NLRP5: variants seen among roughly 807,000 people sequenced by gnomAD.
The protein encoded by NLRP5 is NLR family pyrin domain containing 5.
In NLRP5, 93 loss-of-function variants were observed where a neutral mutation model predicts 113.1. The observed-to-expected ratio is 0.82, with a 90% CI of 0.70 to 0.98. The LOEUF (loss-of-function observed/expected upper bound fraction) is 0.98, where lower values mean the gene tolerates loss of function less well. Among genes scored for constraint, NLRP5 ranks in the 50% least tolerant of loss-of-function variants. The pLI is 0.00. For synonymous variants in NLRP5, 751 were observed against 600.7 expected, an observed-to-expected ratio of 1.25 and a Z score of -3.66; for missense variants, 1,808 against 1,514.3, an observed-to-expected ratio of 1.19 and a Z score of -3.22.
At chr19:56,021,388 T>C (rs1982611428) in intron 6 of NLRP5, among the ~76,000 whole-genome samples, 1 of 152,218 alleles carries the variant, frequency 6.6e-6, no homozygotes, top group Non-Finnish European at 1.5e-5. Context: ...GATTCAATTA[T>C]TTTTAGTCTA....
chr19:56,050,727 C>G (rs1983903892), intron 12 of NLRP5, 139 bp downstream of exon 12: 2 of 760,014 alleles, frequency 2.6e-6, no homozygotes. Flanking sequence ...CAAGGGCAAT[C>G]TAGGTAAACT....
At chr19:56,037,237 A>G (rs1364387690) in intron 9 of NLRP5, among the ~76,000 whole-genome samples, 5 of 152,150 alleles carry the variant, frequency 3.3e-5, no homozygotes, top group Non-Finnish European at 7.3e-5. Flanking sequence ...TCATCCCGGA[A>G]GCTCGTGCCC....
the NLRP5 span, among the ~76,000 whole-genome samples, chr19:55,988,871 A>G: frequency 6.6e-6 from 1 of 152,154 alleles, no homozygotes; most frequent in South Asian, 2.1e-4. Context: ...TTTTGCTTTC[A>G]ATTTCCATGT....
In NLRP5 at chr19:56,020,369, T is replaced by C. The variant is rs368410917; in HGVS notation, c.623-6T>C. On this transcript the variant is annotated splice_polypyrimidine_tract_variant and splice_region_variant and intron_variant, in intron 5 of 14. Coordinates refer to ENST00000390649, the MANE Select transcript of NLRP5 (RefSeq NM_153447.4). ...CACAAGTATGTTGGAATTCATTCTT[T>C]TGCAGAAATTTCACAAGCTATGGAA... is the stretch of plus-strand genomic sequence containing the variant. 4.4e-6 allele frequency: 7 copies of C among 1,600,574 alleles called. No individual in the cohort carries two copies. The highest frequency in any genetic ancestry group is 1.7e-4 in the Middle Eastern group (1 of 6,018).
At chr19:56,031,532 G>T (rs536808631) in intron 7 of NLRP5, among the ~76,000 whole-genome samples, 2 of 151,096 alleles carry the variant, frequency 1.3e-5, no homozygotes, top group Non-Finnish European at 2.9e-5. Flanking sequence ...TTGGGAGGCT[G>T]AGGCAGGAAA....
At position 56,057,748 on chromosome 19, in the gene NLRP5, G is replaced by T. The variant is rs570197884; in HGVS notation, c.3300-492G>T. 2.0e-5 allele frequency among the ~76,000 whole-genome samples: 3 copies of T among 152,262 alleles called. No individual in the cohort carries two copies. The East Asian group carries it at 5.8e-4, about 29-fold the overall frequency. On this transcript the variant is annotated intron_variant, in intron 13 of 14. Transcript: ENST00000390649. ...TCGTTAGAAATGCAAATATTTGGCC[G>T]GGTGCAGTGGCTCATGCCTGTAATT...
At chr19:56,031,785 C>T (rs1332056574) in intron 7 of NLRP5, among the ~76,000 whole-genome samples, 1 of 152,144 alleles carries the variant, frequency 6.6e-6, no homozygotes. Context: ...ATTCCATTAA[C>T]ATATGTATCA....
chr19:56,036,058 CTTTT>C (rs34956178), intron 9 of NLRP5, among the ~76,000 whole-genome samples: 7 of 76,998 alleles, frequency 9.1e-5, no homozygotes, highest in East Asian at 9.9e-4. Flanking sequence ...AATTGAGATT[CTTTT>C]TTTTTTTTTT....
At chr19:55,993,758 A>C in the NLRP5 span, among the ~76,000 whole-genome samples, 1 of 150,528 alleles carries the variant, frequency 6.6e-6, no homozygotes, top group Non-Finnish European at 1.5e-5. Context: ...TTTGCTTCAC[A>C]CAATGAACTA....
At chr19:56,001,553 A>G (rs868657466) in intron 1 of NLRP5, among the ~76,000 whole-genome samples, 1 of 152,290 alleles carries the variant, frequency 6.6e-6, no homozygotes, top group Middle Eastern at 3.4e-3. Flanking sequence ...GCAGAAGGAA[A>G]GACGGGGGCT....
chr19:55,991,826 G>A, the NLRP5 span, among the ~76,000 whole-genome samples: 1 of 152,148 alleles, frequency 6.6e-6, no homozygotes, highest in Non-Finnish European at 1.5e-5. Context: ...ATAAAGAATA[G>A]GGAGAGAGTA....
At chr19:56,012,032 T>A (rs1175720806) in intron 3 of NLRP5, among the ~76,000 whole-genome samples, 2 of 152,116 alleles carry the variant, frequency 1.3e-5, no homozygotes, top group African/African-American at 4.8e-5. Flanking sequence ...TTCTTTCATC[T>A]CTTACATGGT....
chr19:56,061,601 A>C lies in NLRP5; in HGVS notation c.*73A>C, dbSNP rs113376956. On this transcript the variant is annotated 3_prime_UTR_variant, in exon 15 of 15. Coordinates refer to ENST00000390649, the MANE Select transcript of NLRP5 (RefSeq NM_153447.4). ...AAACGCTGTTTTCTCAGAGCAAGCT[A>C]TGCACCTGGGAGTTCCTTCTCAAAG... 1 of 1,527,492 alleles carries C rather than the reference A, an allele frequency of 6.5e-7. No individual in the cohort carries two copies. The highest frequency in any genetic ancestry group is 9.0e-7 in the Non-Finnish European group (1 of 1,107,670). 94.6% of individuals were successfully genotyped at this position (1,527,492 alleles called of 1,614,324 possible). A position where few individuals can be genotyped will look rare whatever the true frequency, so the allele number is the denominator to read the frequency against.
At chr19:55,991,221 G>A in the NLRP5 span, among the ~76,000 whole-genome samples, 5 of 152,128 alleles carry the variant, frequency 3.3e-5, no homozygotes, top group African/African-American at 1.2e-4. Flanking sequence ...TTATTTGGGG[G>A]CTAAATGTAA....
At position 56,020,436 on chromosome 19, in the gene NLRP5, G is replaced by T. The variant is rs1407204825; in HGVS notation, c.679+5G>T. The T allele has an allele frequency of 6.2e-7, 1 of 1,613,116 alleles. No individual in the cohort carries two copies. The highest frequency in any genetic ancestry group is 1.3e-5 in the African/African-American group (1 of 74,810). ...CAGCAGAGACAGAAGAACAAGGTGA[G>T]GAAAATAGATGTATTCCTTGGTTGC... On this transcript the variant is annotated splice_donor_5th_base_variant and intron_variant, in intron 6 of 14. Coordinates refer to ENST00000390649, the MANE Select transcript of NLRP5 (RefSeq NM_153447.4).
chr19:56,033,804 G>A (rs1983213121), intron 9 of NLRP5, 95 bp downstream of exon 9: 1 of 1,138,094 alleles, frequency 8.8e-7, no homozygotes, highest in Non-Finnish European at 1.3e-6. Context: ...GAGCTGCAAA[G>A]ATGGAAAAGT....
intron 13 of NLRP5, among the ~76,000 whole-genome samples, chr19:56,054,289 G>A (rs151325899): frequency 0.014 from 2,203 of 152,290 alleles, 21 homozygotes; most frequent in Non-Finnish European, 0.023. Flanking sequence ...TGGGCACAGG[G>A]GCTCACGCCT....
At chr19:56,054,090 C>T (rs367934) in intron 13 of NLRP5, among the ~76,000 whole-genome samples, 22,534 of 152,102 alleles carry the variant, frequency 0.15, 2,083 homozygotes, top group Non-Finnish European at 0.21. Flanking sequence ...TGCTAAATGG[C>T]GGAAGTATGG....
chr19:55,997,112 CTGTTGGCTATA>C (rs1469519684), upstream of NLRP5, among the ~76,000 whole-genome samples: 2 of 152,144 alleles, frequency 1.3e-5, no homozygotes, highest in African/African-American at 4.8e-5. Context: ...TTTCTTGTAT[CTGTTGGCTATA>C]TAAATATCTT....
Sources: allele counts gnomAD v4.1 joint callset (sites outside exome capture counted in the v4.1 genomes callset), GRCh38; gene constraint gnomAD v4.1.1; transcripts MANE v1.5; gene names NCBI Gene and HGNC (gene_info 2026-07-23, HGNC 2026-07-21).